XRCC5: variants seen among roughly 807,000 people sequenced by gnomAD.
XRCC5 encodes the protein X-ray repair cross complementing 5.
In XRCC5, 12 loss-of-function variants were observed where a neutral mutation model predicts 95.7. The observed-to-expected ratio is 0.13, with a 90% CI of 0.08 to 0.20. XRCC5 has a LOEUF of 0.20. Among genes scored for constraint, XRCC5 ranks in the 10% least tolerant of loss-of-function variants. XRCC5 has a pLI of 1.00. For missense variants in XRCC5, 595 were observed against 873.9 expected (o/e 0.68, Z 4.02); for synonymous variants, 281 against 290.3 (o/e 0.97, Z 0.33).
intron 19 of XRCC5, among the ~76,000 whole-genome samples, chr2:216,197,536 C>T (rs1305740442): frequency 6.6e-6 from 1 of 151,640 alleles, no homozygotes. Context: ...GAGAGAATCT[C>T]TTCTACTTCA....
intron 12 of XRCC5, among the ~76,000 whole-genome samples, chr2:216,140,762 C>T (rs1366435450): frequency 2.0e-5 from 3 of 152,206 alleles, no homozygotes; most frequent in African/African-American, 7.2e-5. Flanking sequence ...CATTAAAATG[C>T]TTATGCTTCA....
chr2:216,202,795 A>G (rs1399122518), intron 19 of XRCC5, among the ~76,000 whole-genome samples: 1 of 152,232 alleles, frequency 6.6e-6, no homozygotes, highest in Non-Finnish European at 1.5e-5. Context: ...TCAACAAACA[A>G]TTATGTCCAT....
intron 4 of XRCC5, among the ~76,000 whole-genome samples, chr2:216,118,378 A>ATT (rs1696741435): frequency 6.6e-6 from 1 of 151,936 alleles, no homozygotes; most frequent in African/African-American, 2.4e-5. Flanking sequence ...CGGTCTCACT[A>ATT]TTTTGCCCAG....
At chr2:216,132,526 T>C in intron 10 of XRCC5, 139 bp downstream of exon 10, 1 of 829,630 alleles carries the variant, frequency 1.2e-6, no homozygotes, top group Non-Finnish European at 2.0e-6. Flanking sequence ...GATGTTTAAC[T>C]GAAAATGGAG....
At chr2:216,141,584 T>G (rs1408061725) in intron 13 of XRCC5, among the ~76,000 whole-genome samples, 1 of 136,034 alleles carries the variant, frequency 7.4e-6, no homozygotes, top group Non-Finnish European at 1.5e-5. Context: ...GAAGCTTACT[T>G]TAACAAAAAA....
chr2:216,136,036 A>G lies in XRCC5; in HGVS notation c.1114-1052A>G, dbSNP rs926854965. ...ATATCCACCAGCTAGCAGGCAGTCT[A>G]AGTCTAGATCTTAGGAGAGTTTTAA... On this transcript the variant is annotated intron_variant, in intron 10 of 20. Coordinates refer to ENST00000392132, the MANE Select transcript of XRCC5 (RefSeq NM_021141.4). Among the ~76,000 whole-genome samples the G allele has an allele frequency of 2.0e-5, 3 of 152,248 alleles. No individual in the cohort carries two copies. The South Asian group carries it at 6.2e-4, about 32-fold the overall frequency.
intron 16 of XRCC5, among the ~76,000 whole-genome samples, chr2:216,187,319 A>G (rs1689512316): frequency 1.3e-5 from 2 of 152,042 alleles, no homozygotes; most frequent in African/African-American, 2.4e-5. Flanking sequence ...TTTACAAAGA[A>G]ACTGGGTATT....
intron 19 of XRCC5, among the ~76,000 whole-genome samples, chr2:216,199,096 T>G (rs1394185130): frequency 6.6e-6 from 1 of 152,242 alleles, no homozygotes; most frequent in Non-Finnish European, 1.5e-5. Flanking sequence ...ATGTTCAATT[T>G]GGTCACTTCC....
chr2:216,116,908 T>C (rs1696707737), intron 3 of XRCC5, 66 bp downstream of exon 3: 1 of 1,551,036 alleles, frequency 6.4e-7, no homozygotes, highest in African/African-American at 1.4e-5. Context: ...TACAGCAGTT[T>C]GATGAGACAC....
intron 8 of XRCC5, among the ~76,000 whole-genome samples, chr2:216,128,274 G>A (rs1305999220): frequency 6.6e-6 from 1 of 152,166 alleles, no homozygotes; most frequent in East Asian, 1.9e-4. Flanking sequence ...GATACCAAAT[G>A]ATGGTTAAGA....
At chr2:216,179,927 A>G (rs1323920813) in intron 16 of XRCC5, among the ~76,000 whole-genome samples, 1 of 152,230 alleles carries the variant, frequency 6.6e-6, no homozygotes, top group Non-Finnish European at 1.5e-5. Flanking sequence ...GACCGGAGGT[A>G]GTAAGAAGAG....
At chr2:216,203,576 A>C (rs188896652) in intron 19 of XRCC5, among the ~76,000 whole-genome samples, 1 of 152,290 alleles carries the variant, frequency 6.6e-6, no homozygotes, top group Admixed American at 6.5e-5. Flanking sequence ...TCATTCCTAG[A>C]TCCTCACAGA....
At chr2:216,160,957 G>A (rs1322228714) in intron 15 of XRCC5, among the ~76,000 whole-genome samples, 2 of 152,150 alleles carry the variant, frequency 1.3e-5, no homozygotes, top group East Asian at 1.9e-4. Context: ...GCCTCCCGAA[G>A]CACTGGGATT....
intron 13 of XRCC5, among the ~76,000 whole-genome samples, chr2:216,142,710 C>A (rs184212921): frequency 3.3e-5 from 5 of 152,342 alleles, no homozygotes; most frequent in African/African-American, 1.2e-4. Context: ...ACCACAGATT[C>A]TCCCTTATGA....
At chr2:216,118,528 T>C (rs1574451863) in intron 4 of XRCC5, among the ~76,000 whole-genome samples, 1 of 152,196 alleles carries the variant, frequency 6.6e-6, no homozygotes, top group East Asian at 1.9e-4. Flanking sequence ...AGTGTATCTC[T>C]GGAGACATAT....
intron 9 of XRCC5, among the ~76,000 whole-genome samples, chr2:216,131,886 G>C (rs1212666365): frequency 6.6e-6 from 1 of 152,096 alleles, no homozygotes; most frequent in African/African-American, 2.4e-5. Context: ...TCTCTGCCTG[G>C]AACGCTTGTG....
At chr2:216,179,692 C>T (rs1043971224) in intron 16 of XRCC5, among the ~76,000 whole-genome samples, 2 of 152,036 alleles carry the variant, frequency 1.3e-5, no homozygotes, top group African/African-American at 2.4e-5. Flanking sequence ...CAGGGAGGTC[C>T]GTGTGACTGG....
intron 12 of XRCC5, among the ~76,000 whole-genome samples, chr2:216,139,699 A>G (rs1489567096): frequency 7.9e-5 from 12 of 152,070 alleles, no homozygotes; most frequent in Admixed American, 7.9e-4. Flanking sequence ...GTAGAGATGG[A>G]ATCTCACTAT....
chr2:216,171,526 C>T (rs998010540), intron 16 of XRCC5, among the ~76,000 whole-genome samples: 2 of 151,948 alleles, frequency 1.3e-5, no homozygotes, highest in African/African-American at 4.8e-5. Flanking sequence ...AATTAAAGGC[C>T]CGTTTTTATT....
Sources: gnomAD v4.1 joint callset for allele counts (sites outside exome capture counted in the v4.1 genomes callset) on GRCh38, gnomAD v4.1.1 for gene constraint, MANE v1.5 for transcripts, NCBI Gene and HGNC (gene_info 2026-07-23, HGNC 2026-07-21) for gene names.